Variants in PREX1 observed in about 807,000 individuals in gnomAD.
PREX1 encodes phosphatidylinositol-3,4,5-trisphosphate dependent Rac exchange factor 1, also known as phosphatidylinositol 3,4,5-trisphosphate-dependent Rac exchanger 1 protein.
In PREX1, 41 loss-of-function variants were observed where a neutral mutation model predicts 198.3. The observed-to-expected ratio is 0.21, with a 90% CI of 0.16 to 0.27. The LOEUF is 0.27. PREX1 is among the 10% of genes least tolerant of loss of function. The pLI is 1.00. For synonymous variants in PREX1, 843 were observed against 887.2 expected, an observed-to-expected ratio of 0.95 and a Z score of 0.89; for missense variants, 1,620 against 2,200.7, an observed-to-expected ratio of 0.74 and a Z score of 5.28.
chr20:48,771,352 AT>A (rs1166586806), intron 1 of PREX1, among the ~76,000 whole-genome samples: 2 of 151,044 alleles, frequency 1.3e-5, no homozygotes, highest in African/African-American at 4.9e-5. Flanking sequence ...CATGCTTAGG[AT>A]TTTTTTCAGC....
chr20:48,670,371 G>A (rs1800518102), intron 14 of PREX1, among the ~76,000 whole-genome samples: 1 of 151,998 alleles, frequency 6.6e-6, no homozygotes, highest in Non-Finnish European at 1.5e-5. Flanking sequence ...GAGCCCACGT[G>A]GCGGGCATTC....
In PREX1 at chr20:48,651,483, C is replaced by A. The variant is rs747999466; in HGVS notation, c.2568G>T (p.Val856=). 2 of 1,614,242 alleles carry A rather than the reference C, an allele frequency of 1.2e-6. No individual in the cohort carries two copies. The highest frequency in any genetic ancestry group is 1.7e-6 in the Non-Finnish European group (2 of 1,180,050). ...VDNVHLEHGV[V]YEYVSTAGVR... ...CGCCTGCCGTGCTCACATACTCATA[C>A]ACCACGCCGTGTTCCAGGTGCACGT... The change falls in exon 22 of 40, where the codon GTG becomes GTT. Residue 856 remains valine (V), a synonymous_variant. Coordinates refer to ENST00000371941, the MANE Select transcript of PREX1 (RefSeq NM_020820.4).
intron 5 of PREX1, among the ~76,000 whole-genome samples, chr20:48,722,658 T>C (rs1284388226): frequency 1.3e-5 from 2 of 152,134 alleles, no homozygotes; most frequent in Admixed American, 6.5e-5. Flanking sequence ...CCATCTCTCC[T>C]CAGAGGCCCC....
At chr20:48,681,369 TC>T in intron 10 of PREX1, 34 bp from the exon 11 acceptor site, 1 of 1,603,650 alleles carries the variant, frequency 6.2e-7, no homozygotes. Context: ...TGAGAGGATT[TC>T]CCCAATTCTG....
chr20:48,675,378 G>A (rs1160360495), intron 14 of PREX1, among the ~76,000 whole-genome samples: 2 of 152,170 alleles, frequency 1.3e-5, no homozygotes, highest in Non-Finnish European at 2.9e-5. Context: ...CCCAGTCTCA[G>A]GTATTTTGTT....
At chr20:48,627,820 A>G in intron 38 of PREX1, 41 bp downstream of exon 38, 1 of 1,574,030 alleles carries the variant, frequency 6.4e-7, no homozygotes, top group Non-Finnish European at 8.7e-7. Context: ...CCACGCCCTC[A>G]GCCCAGGGTG....
intron 32 of PREX1, among the ~76,000 whole-genome samples, chr20:48,635,804 G>A (rs139457406): frequency 2.0e-5 from 3 of 152,330 alleles, no homozygotes; most frequent in Non-Finnish European, 2.9e-5. Context: ...CTGGCACATC[G>A]TGGTGTTTGG....
At chr20:48,834,679 C>T in the PREX1 span, among the ~76,000 whole-genome samples, 1 of 152,150 alleles carries the variant, frequency 6.6e-6, no homozygotes. Context: ...CCCATCTCCA[C>T]CTCCTAAGTA....
At chr20:48,830,482 T>C (rs1156381780), upstream of PREX1, among the ~76,000 whole-genome samples, 1 of 152,262 alleles carries the variant, frequency 6.6e-6, no homozygotes, top group Non-Finnish European at 1.5e-5. Flanking sequence ...GAGTAGGTGC[T>C]CAACAAATGT....
At chr20:48,668,241 C>T (rs980309605) in intron 14 of PREX1, among the ~76,000 whole-genome samples, 24 of 152,144 alleles carry the variant, frequency 1.6e-4, no homozygotes, top group African/African-American at 5.8e-4. Flanking sequence ...TGGGCAGAAG[C>T]TTGGAGCGCA....
intron 7 of PREX1, among the ~76,000 whole-genome samples, chr20:48,696,999 CACA>C (rs2089850257): frequency 6.6e-6 from 1 of 150,964 alleles, no homozygotes; most frequent in African/African-American, 2.5e-5. Flanking sequence ...CACACACACA[CACA>C]CCCTATTGGG....
intron 1 of PREX1, among the ~76,000 whole-genome samples, chr20:48,826,215 C>G (rs756750013): frequency 6.6e-6 from 1 of 152,110 alleles, no homozygotes; most frequent in Non-Finnish European, 1.5e-5. Flanking sequence ...ACCAGCCCTT[C>G]CTGAACCAGG....
rs1006105193 is a variant in PREX1 at position 48,651,157 on chromosome 20, A to G, written c.2656-102T>C. 5 of 1,432,742 alleles carry G rather than the reference A, an allele frequency of 3.5e-6. No individual in the cohort carries two copies. In the African/African-American group the frequency reaches 4.2e-5, roughly 12 times the overall value. The allele number at this position is 1,432,742 out of a possible 1,614,324, so 88.8% of individuals were successfully genotyped here. Reference sequence around the variant, plus strand: ...TGTACTACTCGTAATACCCCCCGGGAAGTCAGGTGTGTTGCTGGCCCATAT... The same window carrying G: ...TGTACTACTCGTAATACCCCCCGGGGAGTCAGGTGTGTTGCTGGCCCATAT... On this transcript the variant is annotated intron_variant, in intron 22 of 39. Transcript: ENST00000371941.
intron 29 of PREX1, among the ~76,000 whole-genome samples, chr20:48,641,933 G>C (rs917110469): frequency 1.3e-5 from 2 of 149,582 alleles, no homozygotes; most frequent in Admixed American, 1.3e-4. Context: ...GGAGGGAAGG[G>C]GAGGGGAGGG....
chr20:48,870,632 G>A, the PREX1 span, among the ~76,000 whole-genome samples: 1 of 152,178 alleles, frequency 6.6e-6, no homozygotes, highest in African/African-American at 2.4e-5. Context: ...GTCAGCTTGT[G>A]TTGTGTAACA....
intron 2 of PREX1, 97 bp downstream of exon 2, chr20:48,747,712 T>G (rs567990235): frequency 3.0e-6 from 4 of 1,333,288 alleles, no homozygotes; most frequent in Non-Finnish European, 4.2e-6. Flanking sequence ...GTGATGCGCC[T>G]CCCCCTGCAT....
chr20:48,781,073 G>T (rs2090287612), intron 1 of PREX1, among the ~76,000 whole-genome samples: 2 of 152,154 alleles, frequency 1.3e-5, no homozygotes, highest in Admixed American at 1.3e-4. Flanking sequence ...AAGTGTCAAG[G>T]TCATGAAAGG....
intron 21 of PREX1, among the ~76,000 whole-genome samples, chr20:48,652,322 T>C (rs2089505292): frequency 6.6e-6 from 1 of 151,954 alleles, no homozygotes; most frequent in Non-Finnish European, 1.5e-5. Context: ...TACACGCTTG[T>C]GATCCTGGCT....
chr20:48,802,369 C>T (rs544940475), intron 1 of PREX1, among the ~76,000 whole-genome samples: 1 of 152,284 alleles, frequency 6.6e-6, no homozygotes, highest in Admixed American at 6.5e-5. Flanking sequence ...ACTCACTCTA[C>T]CCAGCCACAC....
Sources: gnomAD v4.1 joint callset for allele counts (sites outside exome capture counted in the v4.1 genomes callset) on GRCh38, gnomAD v4.1.1 for gene constraint, MANE v1.5 for transcripts, NCBI Gene and HGNC (gene_info 2026-07-23, HGNC 2026-07-21) for gene names.